The following WDR27 variants were observed in gnomAD, a reference collection of about 807,000 sequenced individuals.
The protein encoded by WDR27 is WD repeat-containing protein 27.
Under a neutral mutation model 114.4 loss-of-function variants are expected in WDR27, and 100 were observed. The ratio of observed to expected loss-of-function variants is 0.87; its 90% CI spans 0.74 to 1.03. The LOEUF (loss-of-function observed/expected upper bound fraction) is 1.03, where lower values mean the gene tolerates loss of function less well. Ranked by LOEUF, WDR27 falls within the 50% of genes least tolerant of loss-of-function variation. The probability of loss-of-function intolerance (pLI) is 0.00; values close to 1 mark genes in which losing one functional copy is unlikely to be tolerated. For missense variants in WDR27, 1,129 were observed against 1,092.9 expected, an observed-to-expected ratio of 1.03 and a Z score of -0.47; for synonymous variants, 449 against 423.1, an observed-to-expected ratio of 1.06 and a Z score of -0.75.
At chr6:169,699,764 T>C (rs1787350157) in intron 1 of WDR27, among the ~76,000 whole-genome samples, 1 of 152,078 alleles carries the variant, frequency 6.6e-6, no homozygotes, top group Admixed American at 6.6e-5. Context: ...GAAGGATCAC[T>C]TGAGCCCAGG....
downstream of WDR27, among the ~76,000 whole-genome samples, chr6:169,455,297 G>A (rs962025919): frequency 1.3e-5 from 2 of 152,178 alleles, no homozygotes; most frequent in African/African-American, 2.4e-5. Context: ...GGAAAGTGAG[G>A]CTAAGAATAA....
chr6:169,635,272 C>T (rs1817402491), intron 19 of WDR27, among the ~76,000 whole-genome samples: 1 of 152,184 alleles, frequency 6.6e-6, no homozygotes, highest in African/African-American at 2.4e-5. Flanking sequence ...GTAATCCCAG[C>T]CACTTGGGAG....
chr6:169,534,396 C>A (rs1020101963), intron 25 of WDR27, among the ~76,000 whole-genome samples: 1 of 152,130 alleles, frequency 6.6e-6, no homozygotes, highest in African/African-American at 2.4e-5. Flanking sequence ...GGGTAATACT[C>A]ATCTCACAGA....
intron 25 of WDR27, among the ~76,000 whole-genome samples, chr6:169,535,817 A>G (rs991586983): frequency 4.6e-5 from 7 of 152,238 alleles, no homozygotes; most frequent in African/African-American, 1.7e-4. Context: ...CCAGATCTGT[A>G]CACACTGTAA....
At chr6:169,475,100 A>C (rs1049049697) in intron 25 of WDR27, among the ~76,000 whole-genome samples, 1 of 152,266 alleles carries the variant, frequency 6.6e-6, no homozygotes, top group African/African-American at 2.4e-5. Flanking sequence ...CTTCATTGAA[A>C]ATAATTCTGT....
intron 14 of WDR27, among the ~76,000 whole-genome samples, chr6:169,650,842 T>C (rs771898003): frequency 6.6e-6 from 1 of 151,882 alleles, no homozygotes; most frequent in African/African-American, 2.4e-5. Flanking sequence ...CATCCCTCCA[T>C]CCCCTTCTGT....
intron 21 of WDR27, among the ~76,000 whole-genome samples, chr6:169,616,798 G>A (rs560343345): frequency 6.6e-6 from 1 of 152,192 alleles, no homozygotes; most frequent in Non-Finnish European, 1.5e-5. Flanking sequence ...TGCATGCTCT[G>A]AACACAATGC....
At chr6:169,561,860 A>G (rs1799719532) in intron 25 of WDR27, among the ~76,000 whole-genome samples, 1 of 152,220 alleles carries the variant, frequency 6.6e-6, no homozygotes, top group Non-Finnish European at 1.5e-5. Context: ...GTTTAAACAA[A>G]TAATTTTAAA....
At chr6:169,438,677 T>C in the WDR27 span, among the ~76,000 whole-genome samples, 2 of 152,222 alleles carry the variant, frequency 1.3e-5, no homozygotes, top group African/African-American at 4.8e-5. Flanking sequence ...TTCAAGTACC[T>C]TTCCATGAGG....
rs1195548329 is a variant in WDR27 at position 169,582,819 on chromosome 6, A to G, written c.2523+17T>C. On this transcript the variant is annotated intron_variant, in intron 24 of 25. Coordinates refer to ENST00000448612, the MANE Select transcript of WDR27 (RefSeq NM_182552.5). ...TGTATGCAGCAGAGGCGCCCCACCCACTCAGCAAGACTGTACCTGGGGCGC... is the reference window on the plus strand; with the variant it reads ...TGTATGCAGCAGAGGCGCCCCACCCGCTCAGCAAGACTGTACCTGGGGCGC... 6.2e-7 allele frequency: 1 copy of G among 1,603,076 alleles called. No homozygotes were observed. The highest frequency in any genetic ancestry group is 8.5e-7 in the Non-Finnish European group (1 of 1,171,476).
Position 169,643,973 on chromosome 6 carries a change from A to G in WDR27, c.1658-187T>C, listed in dbSNP as rs369719438. 2.6e-5 allele frequency among the ~76,000 whole-genome samples: 4 copies of G among 151,372 alleles called. No homozygotes were observed. In the East Asian group the frequency reaches 5.8e-4, roughly 22 times the overall value. ...GCCTAGTTCACAGGAGTCACACTGT[A>G]GAAAACCCTAGTTCACAGGAGTCAC... On this transcript the variant is annotated intron_variant, in intron 16 of 25. Coordinates refer to ENST00000448612, the MANE Select transcript of WDR27 (RefSeq NM_182552.5).
intron 5 of WDR27, among the ~76,000 whole-genome samples, chr6:169,667,766 G>A (rs570626459): frequency 2.6e-4 from 39 of 152,340 alleles, no homozygotes; most frequent in Middle Eastern, 3.4e-3. Flanking sequence ...CCGCAGAACC[G>A]TCCTGTCAGG....
At chr6:169,625,728 G>A (rs1044330697) in intron 21 of WDR27, among the ~76,000 whole-genome samples, 1 of 152,224 alleles carries the variant, frequency 6.6e-6, no homozygotes, top group Admixed American at 6.5e-5. Context: ...AGTGGTGCCT[G>A]CTCAGATCTC....
chr6:169,543,497 A>T (rs984433766), intron 25 of WDR27, among the ~76,000 whole-genome samples: 3 of 152,164 alleles, frequency 2.0e-5, no homozygotes, highest in African/African-American at 7.2e-5. Context: ...AGTTTTAAAA[A>T]TATGTATTTA....
intron 21 of WDR27, among the ~76,000 whole-genome samples, chr6:169,627,293 T>C (rs1815091997): frequency 1.3e-5 from 2 of 152,220 alleles, no homozygotes; most frequent in Non-Finnish European, 2.9e-5. Context: ...TTAATTATGC[T>C]ACAAATTCAC....
At chr6:169,607,912 C>T (rs1176304044) in intron 22 of WDR27, among the ~76,000 whole-genome samples, 3 of 152,136 alleles carry the variant, frequency 2.0e-5, no homozygotes, top group Non-Finnish European at 4.4e-5. Context: ...AGAAATATGT[C>T]GTTAAGCAAT....
chr6:169,686,587 A>C (rs1783013897), intron 2 of WDR27, among the ~76,000 whole-genome samples: 1 of 152,154 alleles, frequency 6.6e-6, no homozygotes, highest in South Asian at 2.1e-4. Context: ...ATGCAAATGG[A>C]AACCAAAAGC....
chr6:169,697,805 A>G (rs1786615578), intron 1 of WDR27, among the ~76,000 whole-genome samples: 1 of 152,106 alleles, frequency 6.6e-6, no homozygotes. Flanking sequence ...TTTGTCTTGT[A>G]TCCAATAAAT....
chr6:169,700,203 G>A (rs1562966923), intron 1 of WDR27, among the ~76,000 whole-genome samples: 1 of 152,196 alleles, frequency 6.6e-6, no homozygotes, highest in East Asian at 1.9e-4. Context: ...TGTCTTCTTA[G>A]TCCATAGGGC....
Sources: allele counts gnomAD v4.1 joint callset (sites outside exome capture counted in the v4.1 genomes callset), GRCh38; gene constraint gnomAD v4.1.1; transcripts MANE v1.5; gene names NCBI Gene and HGNC (gene_info 2026-07-23, HGNC 2026-07-21).